The following DRC11 variants were observed in gnomAD, a reference collection of about 807,000 sequenced individuals.
DRC11 encodes the protein IQ and AAA domain-containing protein 1.
chr2:236,403,792 A>G, the DRC11 span, among the ~76,000 whole-genome samples: 2 of 151,834 alleles, frequency 1.3e-5, no homozygotes, highest in African/African-American at 4.8e-5. Flanking sequence ...GACTCACTAG[A>G]TACTAGAACT....
chr2:236,333,486 G>A, the DRC11 span: 10 of 153,648 alleles, frequency 6.5e-5, no homozygotes, highest in Non-Finnish European at 8.8e-5. The surrounding 1 kb of genome is among the most constrained non-coding windows in gnomAD (Gnocchi z 6.0). Context: ...AAGTACCACC[G>A]GGTCTGAGTG....
chr2:236,412,159 G>A, the DRC11 span, among the ~76,000 whole-genome samples: 1 of 152,182 alleles, frequency 6.6e-6, no homozygotes, highest in Admixed American at 6.5e-5. Flanking sequence ...GCCTCCCCAA[G>A]TGCTGGATTA....
the DRC11 span, among the ~76,000 whole-genome samples, chr2:236,434,298 T>C: frequency 5.3e-3 from 815 of 152,346 alleles, 8 homozygotes; most frequent in African/African-American, 0.019. The surrounding 1 kb of genome is among the most constrained non-coding windows in gnomAD (Gnocchi z 5.5). Flanking sequence ...GTTTTATTAA[T>C]ATATATTTCA....
the DRC11 span, among the ~76,000 whole-genome samples, chr2:236,337,185 T>A: frequency 6.6e-6 from 1 of 152,170 alleles, no homozygotes; most frequent in African/African-American, 2.4e-5. The surrounding 1 kb of genome is among the most constrained non-coding windows in gnomAD (Gnocchi z 4.9). Flanking sequence ...TCTCACATCA[T>A]GAGGTACATT....
chr2:236,423,851 C>G, the DRC11 span, among the ~76,000 whole-genome samples: 1 of 152,188 alleles, frequency 6.6e-6, no homozygotes, highest in East Asian at 1.9e-4. Context: ...CACATATACA[C>G]CATGGAATAC....
the DRC11 span, among the ~76,000 whole-genome samples, chr2:236,365,851 C>A: frequency 2.0e-5 from 3 of 152,142 alleles, no homozygotes; most frequent in Non-Finnish European, 1.5e-5. The surrounding 1 kb of genome is among the most constrained non-coding windows in gnomAD (Gnocchi z 7.4). Context: ...GCTCTTCCTG[C>A]CCCTCTCGTA....
chr2:236,311,701 T>C, the DRC11 span, among the ~76,000 whole-genome samples: 2,344 of 139,488 alleles, frequency 0.017, 61 homozygotes, highest in African/African-American at 0.064. This position sits in a 1 kb window ranked among gnomAD's most constrained non-coding sequence, Gnocchi z 6.9. Flanking sequence ...GGGGTGCGTG[T>C]GTGTGTGTGT....
At chr2:236,470,687 C>T in the DRC11 span, among the ~76,000 whole-genome samples, 22 of 152,116 alleles carry the variant, frequency 1.4e-4, no homozygotes, top group East Asian at 3.7e-3. The surrounding 1 kb of genome is among the most constrained non-coding windows in gnomAD (Gnocchi z 5.1). Context: ...ATACAATATA[C>T]CTACTCATAA....
chr2:236,363,927 G>C, the DRC11 span: 1 of 1,613,954 alleles, frequency 6.2e-7, no homozygotes, highest in Non-Finnish European at 8.5e-7. The surrounding 1 kb of genome is among the most constrained non-coding windows in gnomAD (Gnocchi z 5.6). Flanking sequence ...CAGACGGCCC[G>C]GCTAACAGTA....
chr2:236,444,741 T>A, the DRC11 span, among the ~76,000 whole-genome samples: 1 of 152,324 alleles, frequency 6.6e-6, no homozygotes, highest in South Asian at 2.1e-4. Context: ...TTTGGTGGGA[T>A]CACTCACTTA....
the DRC11 span, among the ~76,000 whole-genome samples, chr2:236,501,994 T>C: frequency 6.6e-6 from 1 of 152,116 alleles, no homozygotes; most frequent in African/African-American, 2.4e-5. Flanking sequence ...CCCAGCTTGT[T>C]TCATAGATGC....
At chr2:236,319,334 G>A in the DRC11 span, among the ~76,000 whole-genome samples, 1 of 152,234 alleles carries the variant, frequency 6.6e-6, no homozygotes. The surrounding 1 kb of genome is among the most constrained non-coding windows in gnomAD (Gnocchi z 6.7). Flanking sequence ...TGAAATGCAC[G>A]TCCAGGGAGA....
At chr2:236,484,731 C>T in the DRC11 span, among the ~76,000 whole-genome samples, 11 of 152,224 alleles carry the variant, frequency 7.2e-5, no homozygotes, top group East Asian at 1.2e-3. Flanking sequence ...TGAGACTGTA[C>T]TTGCCCTTGG....
chr2:236,417,639 C>G, the DRC11 span, among the ~76,000 whole-genome samples: 1 of 151,638 alleles, frequency 6.6e-6, no homozygotes, highest in Admixed American at 6.6e-5. Context: ...TATACATGTG[C>G]CATGGTGGTT....
chr2:236,355,197 C>A, the DRC11 span, among the ~76,000 whole-genome samples: 1 of 152,176 alleles, frequency 6.6e-6, no homozygotes, highest in Non-Finnish European at 1.5e-5. Context: ...GCATCCCCAC[C>A]CACAGTGGGT....
the DRC11 span, among the ~76,000 whole-genome samples, chr2:236,445,206 CA>C: frequency 6.6e-6 from 1 of 151,834 alleles, no homozygotes; most frequent in Non-Finnish European, 1.5e-5. The surrounding 1 kb of genome is among the most constrained non-coding windows in gnomAD (Gnocchi z 4.8). Context: ...TATGAAAAAG[CA>C]AAAAGAATTT....
At chr2:236,373,828 T>C in the DRC11 span, among the ~76,000 whole-genome samples, 2 of 152,144 alleles carry the variant, frequency 1.3e-5, no homozygotes, top group Non-Finnish European at 2.9e-5. Flanking sequence ...CTTTCTGAGA[T>C]GTTCTGGCTC....
the DRC11 span, chr2:236,331,735 G>A: frequency 1.5e-6 from 1 of 658,890 alleles, no homozygotes; most frequent in Non-Finnish European, 2.6e-6. This position sits in a 1 kb window ranked among gnomAD's most constrained non-coding sequence, Gnocchi z 4.8. Context: ...TAACTCAAAT[G>A]AACCGAAGCC....
the DRC11 span, among the ~76,000 whole-genome samples, chr2:236,498,502 C>T: frequency 6.6e-6 from 1 of 151,450 alleles, no homozygotes; most frequent in African/African-American, 2.4e-5. Context: ...CAGACTGTGG[C>T]CTGGGAGGCT....
Sources: gnomAD v4.1 joint callset for allele counts (sites outside exome capture counted in the v4.1 genomes callset) on GRCh38, gnomAD v4.1.1 for gene constraint, Gnocchi (gnomAD v3.1) non-coding constraint, MANE v1.5 for transcripts, NCBI Gene and HGNC (gene_info 2026-07-23, HGNC 2026-07-21) for gene names.